The following EPCIP variants were observed in gnomAD, a reference collection of about 807,000 sequenced individuals.
EPCIP encodes exosomal polycystin-1-interacting protein.
the EPCIP span, among the ~76,000 whole-genome samples, chr21:32,792,943 G>A: frequency 1.3e-5 from 2 of 148,816 alleles, no homozygotes; most frequent in Non-Finnish European, 3.0e-5. Flanking sequence ...ATGGAGTTTC[G>A]CTCTTGTTGC....
the EPCIP span, chr21:32,797,738 A>G: frequency 6.6e-6 from 1 of 152,236 alleles, no homozygotes; most frequent in Non-Finnish European, 1.5e-5. Flanking sequence ...TTTAACTGCT[A>G]GCTATAGAAA....
chr21:32,809,324 C>CTTTCTT, the EPCIP span, among the ~76,000 whole-genome samples: 1 of 133,736 alleles, frequency 7.5e-6, no homozygotes, highest in East Asian at 2.4e-4. Flanking sequence ...TTCTTTCTTT[C>CTTTCTT]TTTCTTTCTT....
At chr21:32,794,640 T>C in the EPCIP span, among the ~76,000 whole-genome samples, 2 of 152,268 alleles carry the variant, frequency 1.3e-5, no homozygotes, top group Non-Finnish European at 2.9e-5. Flanking sequence ...GCCCAGGCAC[T>C]GGGCAAGCTC....
At chr21:32,800,811 CA>C in the EPCIP span, among the ~76,000 whole-genome samples, 33,499 of 66,648 alleles carry the variant, frequency 0.5, 4,087 homozygotes, top group South Asian at 0.53. Context: ...CTCAAAAAAA[CA>C]AAAAAAAAAC....
chr21:32,808,352 C>T, the EPCIP span, among the ~76,000 whole-genome samples: 1 of 151,520 alleles, frequency 6.6e-6, no homozygotes, highest in Non-Finnish European at 1.5e-5. Flanking sequence ...GCTTCCAGAA[C>T]AATAAAAGAG....
At chr21:32,799,277 G>A in the EPCIP span, among the ~76,000 whole-genome samples, 1 of 152,200 alleles carries the variant, frequency 6.6e-6, no homozygotes, top group African/African-American at 2.4e-5. Context: ...GCACCACTTT[G>A]ATAAAATGCC....
At chr21:32,807,721 A>C in the EPCIP span, 109,436 of 152,220 alleles carry the variant, frequency 0.72, 40,127 homozygotes, top group East Asian at 0.91. Flanking sequence ...TATGGCCTAG[A>C]CATGGCAGAA....
the EPCIP span, chr21:32,793,836 AGTT>A: frequency 1.9e-6 from 3 of 1,614,182 alleles, no homozygotes; most frequent in Non-Finnish European, 2.5e-6. Context: ...AAGTCAGGAA[AGTT>A]GTTGGCAATG....
chr21:32,810,603 G>T, the EPCIP span: 1 of 471,218 alleles, frequency 2.1e-6, no homozygotes. Context: ...CCAGCTCAGT[G>T]CATGGCTGTC....
At chr21:32,794,389 CAGA>C in the EPCIP span, 2 of 1,613,838 alleles carry the variant, frequency 1.2e-6, no homozygotes, top group Non-Finnish European at 8.5e-7. Context: ...GAGTGCTGAT[CAGA>C]AGAAGACAGT....
At chr21:32,795,786 G>A in the EPCIP span, among the ~76,000 whole-genome samples, 1 of 152,218 alleles carries the variant, frequency 6.6e-6, no homozygotes, top group Non-Finnish European at 1.5e-5. Context: ...AAATGCCAGG[G>A]ATCGGGTAGA....
At chr21:32,811,800 C>T in the EPCIP span, among the ~76,000 whole-genome samples, 1 of 152,214 alleles carries the variant, frequency 6.6e-6, no homozygotes, top group Non-Finnish European at 1.5e-5. Flanking sequence ...GCGGTGCCCT[C>T]ATGAATGGAT....
the EPCIP span, among the ~76,000 whole-genome samples, chr21:32,799,731 C>T: frequency 1.3e-5 from 2 of 152,198 alleles, no homozygotes; most frequent in Non-Finnish European, 2.9e-5. Flanking sequence ...CATTTGAGGT[C>T]AGGAGTTCAA....
chr21:32,795,015 G>T, the EPCIP span, among the ~76,000 whole-genome samples: 1 of 152,192 alleles, frequency 6.6e-6, no homozygotes, highest in Non-Finnish European at 1.5e-5. Context: ...GAATACCAAT[G>T]AAGCATTTAG....
At chr21:32,805,474 G>A in the EPCIP span, among the ~76,000 whole-genome samples, 13 of 151,840 alleles carry the variant, frequency 8.6e-5, no homozygotes, top group Non-Finnish European at 1.3e-4. Flanking sequence ...CAATTCTCCT[G>A]CCTCAGCCTC....
At chr21:32,796,437 A>C in the EPCIP span, among the ~76,000 whole-genome samples, 1 of 152,214 alleles carries the variant, frequency 6.6e-6, no homozygotes. Flanking sequence ...ACTGAGAAGC[A>C]CTGTACTGAA....
the EPCIP span, among the ~76,000 whole-genome samples, chr21:32,803,518 G>A: frequency 3.3e-4 from 50 of 152,238 alleles, 1 homozygote; most frequent in South Asian, 0.01. Flanking sequence ...GCAGTGTGAG[G>A]GCTTTAGCTG....
chr21:32,802,425 GTAAAGGTCTGA>G, the EPCIP span, among the ~76,000 whole-genome samples: 3 of 152,200 alleles, frequency 2.0e-5, no homozygotes, highest in Admixed American at 6.5e-5. Context: ...AAATGAGATG[GTAAAGGTCTGA>G]AGCAGGAGAC....
chr21:32,798,886 C>G, the EPCIP span: 3 of 151,908 alleles, frequency 2.0e-5, no homozygotes, highest in East Asian at 1.9e-4. Flanking sequence ...TCACTTGAAC[C>G]TGGGAGGCAG....
Sources: gnomAD v4.1 joint callset for allele counts (sites outside exome capture counted in the v4.1 genomes callset) on GRCh38, gnomAD v4.1.1 for gene constraint, MANE v1.5 for transcripts, NCBI Gene and HGNC (gene_info 2026-07-23, HGNC 2026-07-21) for gene names.